Variants in ANKRD17 observed in about 807,000 individuals in gnomAD.
ANKRD17 encodes the protein ankyrin repeat domain-containing protein 17.
A neutral mutation model predicts 229.7 loss-of-function variants in ANKRD17; 19 were observed. The observed-to-expected ratio is 0.08, with a 90% CI of 0.06 to 0.12. ANKRD17 has a LOEUF of 0.12. Among genes scored for constraint, ANKRD17 ranks in the 10% least tolerant of loss-of-function variants. The pLI is 1.00. For synonymous variants in ANKRD17, 1,112 were observed against 1,146.1 expected (o/e 0.97, Z 0.60); for missense variants, 2,176 against 3,176.8 (o/e 0.68, Z 7.57).
chr4:73,177,794 T>C (rs1734935798), intron 1 of ANKRD17, among the ~76,000 whole-genome samples: 2 of 152,198 alleles, frequency 1.3e-5, no homozygotes, highest in South Asian at 2.1e-4. Flanking sequence ...TTTTCTACTT[T>C]AATTTGGTTA....
intron 29 of ANKRD17, among the ~76,000 whole-genome samples, chr4:73,089,040 T>A (rs1294212995): frequency 6.6e-6 from 1 of 152,018 alleles, no homozygotes; most frequent in Non-Finnish European, 1.5e-5. Flanking sequence ...GTTTATTCTT[T>A]TTAAATTTTT....
chr4:73,168,398 C>T (rs1733521234), intron 2 of ANKRD17, among the ~76,000 whole-genome samples: 1 of 151,860 alleles, frequency 6.6e-6, no homozygotes, highest in Non-Finnish European at 1.5e-5. Context: ...ATTATCACTG[C>T]CTTATATTTA....
At chr4:73,083,816 C>T (rs988876891) in intron 30 of ANKRD17, among the ~76,000 whole-genome samples, 11 of 151,792 alleles carry the variant, frequency 7.2e-5, no homozygotes, top group Admixed American at 1.3e-4. Context: ...CTTTAACTGG[C>T]AATGTACTCT....
chr4:73,142,352 CT>C lies in ANKRD17; in HGVS notation c.2118del (p.Gly707ValfsTer28). 6.3e-7 allele frequency: 1 copy of C among 1,587,162 alleles called. No individual in the cohort carries two copies. Among genetic ancestry groups the C allele is most frequent in the South Asian group, 1.2e-5 (1 of 84,598 alleles). Reference protein sequence around the residue: ...DGSTMLIEAAKGGHTSVVCYL... With the variant: ...DGSTMLIEAAXGGHTSVVCYL... ...TAGCAAACAACACTTGTATGGCCAC[CT>C]TTTGCTGCTTCTATCAACATAGTTG... On this transcript the variant is annotated frameshift_variant, in exon 13 of 34. Transcript: ENST00000358602. LOFTEE classifies it high-confidence loss of function.
intron 1 of ANKRD17, among the ~76,000 whole-genome samples, chr4:73,221,816 G>A (rs1224197400): frequency 6.6e-6 from 1 of 152,190 alleles, no homozygotes; most frequent in Non-Finnish European, 1.5e-5. Flanking sequence ...TGTCTGCAAG[G>A]AGGTAGGTAA....
intron 1 of ANKRD17, among the ~76,000 whole-genome samples, chr4:73,257,759 C>A (rs950865236): frequency 2.0e-5 from 3 of 152,152 alleles, no homozygotes; most frequent in African/African-American, 7.2e-5. Flanking sequence ...ACGTGTCCCT[C>A]ACATACACAA....
intron 1 of ANKRD17, among the ~76,000 whole-genome samples, chr4:73,251,899 T>C (rs970885527): frequency 6.6e-6 from 1 of 152,198 alleles, no homozygotes; most frequent in African/African-American, 2.4e-5. Context: ...ATATGCTACT[T>C]TGATGCTTAT....
chr4:73,125,543 G>C (rs904563287), intron 16 of ANKRD17, among the ~76,000 whole-genome samples: 19 of 152,124 alleles, frequency 1.2e-4, no homozygotes, highest in Admixed American at 2.6e-4. Flanking sequence ...GACCATCCTG[G>C]CCAACATGGT....
rs150769229 is a variant in ANKRD17 at position 73,134,784 on chromosome 4, T to C, written c.3234+333A>G. 3.3e-5 allele frequency among the ~76,000 whole-genome samples: 5 copies of C among 152,288 alleles called. No individual in the cohort carries two copies. In the East Asian group the frequency reaches 7.7e-4, roughly 23 times the overall value. On this transcript the variant is annotated intron_variant, in intron 16 of 33. Coordinates refer to ENST00000358602, the MANE Select transcript of ANKRD17 (RefSeq NM_032217.5). ...TTTTTCTTTTACATGCAATCCATTA[T>C]ATATTTCAAACCATATCTTCTATTA...
chr4:73,077,269 A>G, intron 32 of ANKRD17, 86 bp downstream of exon 32: 1 of 1,375,218 alleles, frequency 7.3e-7, no homozygotes, highest in Non-Finnish European at 9.7e-7. Context: ...TTATTTTAAC[A>G]TTAGATTATA....
At chr4:73,087,905 C>T (rs1226923512) in intron 29 of ANKRD17, among the ~76,000 whole-genome samples, 2 of 144,328 alleles carry the variant, frequency 1.4e-5, no homozygotes, top group East Asian at 4.1e-4. Flanking sequence ...AGGGGAGAGA[C>T]AGGTAAGACA....
chr4:73,114,416 A>G (rs1159329993), intron 23 of ANKRD17, among the ~76,000 whole-genome samples: 1 of 151,708 alleles, frequency 6.6e-6, no homozygotes. Flanking sequence ...ACTTTAGGAC[A>G]GTAAAACACT....
At chr4:73,212,141 G>A (rs1740360009) in intron 1 of ANKRD17, among the ~76,000 whole-genome samples, 1 of 152,022 alleles carries the variant, frequency 6.6e-6, no homozygotes. Flanking sequence ...TTGGGCAGAG[G>A]GAAAGAGGGT....
intron 2 of ANKRD17, among the ~76,000 whole-genome samples, chr4:73,163,574 ACAG>A (rs1233409373): frequency 6.6e-6 from 1 of 152,236 alleles, no homozygotes; most frequent in Non-Finnish European, 1.5e-5. Context: ...TAAGTATGTA[ACAG>A]TGAAAGGTGT....
At chr4:73,133,200 A>C (rs2148770672) in intron 16 of ANKRD17, among the ~76,000 whole-genome samples, 1 of 152,092 alleles carries the variant, frequency 6.6e-6, no homozygotes, top group East Asian at 2.0e-4. Flanking sequence ...CAGTTAGCCA[A>C]GATTGCCACT....
chr4:73,179,446 ATC>A (rs1464496029), intron 1 of ANKRD17, among the ~76,000 whole-genome samples: 1 of 138,912 alleles, frequency 7.2e-6, no homozygotes, highest in Admixed American at 7.4e-5. Flanking sequence ...GTGTATATAT[ATC>A]TGTGTATATA....
chr4:73,130,976 T>TA, intron 16 of ANKRD17, among the ~76,000 whole-genome samples: 1 of 152,266 alleles, frequency 6.6e-6, no homozygotes, highest in South Asian at 2.1e-4. Flanking sequence ...AGTTTGGTTA[T>TA]ACCAAACTTA....
chr4:73,172,484 C>T (rs1734171442), intron 2 of ANKRD17, among the ~76,000 whole-genome samples: 1 of 152,168 alleles, frequency 6.6e-6, no homozygotes, highest in Admixed American at 6.5e-5. Context: ...AGGTACCAAA[C>T]TGACTGATAA....
At chr4:73,181,630 T>C (rs1307628494) in intron 1 of ANKRD17, among the ~76,000 whole-genome samples, 1 of 152,114 alleles carries the variant, frequency 6.6e-6, no homozygotes, top group Non-Finnish European at 1.5e-5. Flanking sequence ...AAAACTAAAA[T>C]GAATTTTCCC....
Sources: gnomAD v4.1 joint callset for allele counts (sites outside exome capture counted in the v4.1 genomes callset) on GRCh38, gnomAD v4.1.1 for gene constraint, MANE v1.5 for transcripts, NCBI Gene and HGNC (gene_info 2026-07-23, HGNC 2026-07-21) for gene names.